DST: variants seen among roughly 807,000 people sequenced by gnomAD.
DST encodes dystonin.
DST carries 253 observed loss-of-function variants against 875.2 expected under a neutral mutation model. That is an observed-to-expected ratio of 0.29 (90% confidence interval 0.26 to 0.32). The LOEUF (loss-of-function observed/expected upper bound fraction) is 0.32. DST is among the 10% of genes least tolerant of loss of function. DST has a pLI of 1.00. For synonymous variants in DST, 3,124 were observed against 3,197.1 expected, an observed-to-expected ratio of 0.98 and a Z score of 0.77; for missense variants, 8,287 against 9,111.6, an observed-to-expected ratio of 0.91 and a Z score of 3.68.
At chr6:56,687,892 G>C (rs896144284) in intron 9 of DST, among the ~76,000 whole-genome samples, 1 of 151,974 alleles carries the variant, frequency 6.6e-6, no homozygotes, top group African/African-American at 2.4e-5. Context: ...ATAAGGGAAG[G>C]GTGAAATGGA....
chr6:56,801,597 A>T (rs1263811046), intron 4 of DST, among the ~76,000 whole-genome samples: 1 of 152,126 alleles, frequency 6.6e-6, no homozygotes, highest in Admixed American at 6.5e-5. Context: ...TTATAACTAC[A>T]TGGAGAACCC....
At chr6:56,790,927 G>C (rs1392133306) in intron 4 of DST, among the ~76,000 whole-genome samples, 1 of 152,150 alleles carries the variant, frequency 6.6e-6, no homozygotes, top group Non-Finnish European at 1.5e-5. Context: ...CTGTCCAACA[G>C]AAATGCTACT....
chr6:56,834,247 G>C (rs1402472713), intron 4 of DST, among the ~76,000 whole-genome samples: 2 of 152,030 alleles, frequency 1.3e-5, no homozygotes, highest in Non-Finnish European at 2.9e-5. Flanking sequence ...TGCTTAAAAA[G>C]CGGGCAAAAG....
intron 49 of DST, among the ~76,000 whole-genome samples, chr6:56,586,800 G>C (rs1046054069): frequency 2.0e-5 from 3 of 152,204 alleles, no homozygotes; most frequent in Non-Finnish European, 4.4e-5. Context: ...CAGGCAAACA[G>C]GGTCTGGAGT....
chr6:56,636,417 CATATATGTGTATAT>C, intron 23 of DST, 126 bp downstream of exon 23: 2 of 677,808 alleles, frequency 3.0e-6, no homozygotes, highest in East Asian at 3.1e-5. Flanking sequence ...TATATACACA[CATATATGTGTATAT>C]ATATATGTGT....
At chr6:56,848,567 C>G (rs1591638571) in intron 4 of DST, among the ~76,000 whole-genome samples, 1 of 152,298 alleles carries the variant, frequency 6.6e-6, no homozygotes, top group East Asian at 1.9e-4. Context: ...TACCCTCATC[C>G]TCACACTGGG....
At position 56,849,935 on chromosome 6, in the gene DST, A is replaced by G. The variant is rs147730502; in HGVS notation, c.625+1462T>C. 2.7e-3 allele frequency among the ~76,000 whole-genome samples: 409 copies of G among 152,208 alleles called. 2 individuals are homozygous for G. Among genetic ancestry groups the G allele is most frequent in the Middle Eastern group, 0.014 (4 of 294 alleles). ...TCTCACTCACACCCTCCTTTCATCT[A>G]TCTTCCCTTTCTGCTGAGTCAAACA... is the stretch of plus-strand genomic sequence containing the variant. On this transcript the variant is annotated intron_variant, in intron 4 of 103. Coordinates refer to ENST00000680361, the MANE Select transcript of DST (RefSeq NM_001374736.1).
At chr6:56,483,369 A>C (rs1473779966) in intron 88 of DST, among the ~76,000 whole-genome samples, 1 of 152,128 alleles carries the variant, frequency 6.6e-6, no homozygotes, top group Non-Finnish European at 1.5e-5. Flanking sequence ...GATGTCTTAG[A>C]GATAATGGCA....
intron 98 of DST, among the ~76,000 whole-genome samples, chr6:56,468,012 C>A (rs553622843): frequency 5.9e-5 from 9 of 152,118 alleles, no homozygotes; most frequent in African/African-American, 2.2e-4. Flanking sequence ...GTAACTATTT[C>A]TATTTTAAAT....
chr6:56,463,040 C>T lies in DST; in HGVS notation c.23070+6G>A. ...GTTAAGACTGGACTCTGGGGCCTTA[C>T]AATACCTCTGCAGATGGCACGGGAA... On this transcript the variant is annotated splice_donor_region_variant and intron_variant, in intron 102 of 103. Transcript: ENST00000680361. 1 of 1,579,898 alleles carries T rather than the reference C, an allele frequency of 6.3e-7. No individual in the cohort carries two copies. Among genetic ancestry groups the T allele is most frequent in the South Asian group, 1.1e-5 (1 of 88,768 alleles).
chr6:56,746,165 T>G (rs1304290810), intron 4 of DST, among the ~76,000 whole-genome samples: 4 of 152,002 alleles, frequency 2.6e-5, no homozygotes, highest in Non-Finnish European at 5.9e-5. Context: ...TAAAATTTTT[T>G]GTAGAGATAG....
rs2098915989 is a variant in DST at position 56,642,407 on chromosome 6, T to C, written c.1872+3A>G. The stretch of plus-strand genomic sequence containing the variant: ...ACCCCAATGGCTCCTAAAATTAACT[T>C]ACAGACTGAAGAGCATTTCCAGCAA... On this transcript the variant is annotated splice_donor_region_variant and intron_variant, in intron 16 of 103. Transcript: ENST00000680361. The C allele has an allele frequency of 1.2e-6, 2 of 1,606,968 alleles. No homozygotes were observed. The highest frequency in any genetic ancestry group is 2.7e-5 in the African/African-American group (2 of 74,802).
At chr6:56,725,913 T>G (rs1419346647) in intron 5 of DST, among the ~76,000 whole-genome samples, 1 of 152,024 alleles carries the variant, frequency 6.6e-6, no homozygotes. Context: ...CTAGTGGATT[T>G]TCCAGGAGAG....
At chr6:56,654,513 C>T (rs889433284) in intron 10 of DST, among the ~76,000 whole-genome samples, 11 of 150,420 alleles carry the variant, frequency 7.3e-5, no homozygotes, top group Non-Finnish European at 1.6e-4. Context: ...TGTCATAATA[C>T]AAAATAATTT....
intron 3 of DST, among the ~76,000 whole-genome samples, chr6:56,885,795 G>C (rs536517006): frequency 1.3e-5 from 2 of 152,208 alleles, no homozygotes; most frequent in African/African-American, 2.4e-5. Context: ...TTCCAGAAGA[G>C]TGAGAAAATA....
intron 9 of DST, among the ~76,000 whole-genome samples, chr6:56,688,519 T>A (rs557062695): frequency 6.6e-6 from 1 of 152,264 alleles, no homozygotes; most frequent in African/African-American, 2.4e-5. Flanking sequence ...AGACTGACAA[T>A]ATATTGTGTA....
intron 4 of DST, among the ~76,000 whole-genome samples, chr6:56,826,794 C>T (rs901383144): frequency 6.6e-6 from 1 of 152,118 alleles, no homozygotes; most frequent in Non-Finnish European, 1.5e-5. Flanking sequence ...AATATCTTTG[C>T]ACTTAAATTC....
At chr6:56,753,676 G>A (rs1474024097) in intron 4 of DST, among the ~76,000 whole-genome samples, 1 of 151,958 alleles carries the variant, frequency 6.6e-6, no homozygotes, top group African/African-American at 2.4e-5. Context: ...TCTGGCTTCT[G>A]CTAATCTCTA....
rs775826920 is a variant in DST at position 56,530,083 on chromosome 6, G to C, written c.17159C>G (p.Thr5720Ser). Residue 5720 changes from threonine to serine, a missense_variant, in exon 65 of 104, where the codon ACC (threonine) becomes AGC (serine). By Grantham distance (58) the Thr-to-Ser change is moderately conservative (BLOSUM62 1). Around this residue, in one of 10 missense-constraint regions of DST, gnomAD observed 777 missense variants for 764.8 expected, o/e 1.02. Transcript: ENST00000680361. ...AAGCCACTCGTTCAGTGGTTCTAAGGTTTCATGAAATTGCTGTGCTACCAC... is the reference window on the plus strand; with the variant it reads ...AAGCCACTCGTTCAGTGGTTCTAAGCTTTCATGAAATTGCTGTGCTACCAC... ...ISVVAQQFHE[T>S]LEPLNEWLTT... The C allele has an allele frequency of 6.2e-7, 1 of 1,606,692 alleles. No individual in the cohort carries two copies. The highest frequency in any genetic ancestry group is 1.1e-5 in the South Asian group (1 of 90,010).
Sources: gnomAD v4.1 joint callset for allele counts (sites outside exome capture counted in the v4.1 genomes callset) on GRCh38, gnomAD v4.1.1 for gene constraint, gnomAD v4.1.1 regional missense constraint, MANE v1.5 for transcripts, NCBI Gene and HGNC (gene_info 2026-07-23, HGNC 2026-07-21) for gene names.